The following CKMT2 variants were observed in gnomAD, a reference collection of about 807,000 sequenced individuals.
CKMT2 encodes the protein creatine kinase S-type, mitochondrial.
In CKMT2, 43 loss-of-function variants were observed where a neutral mutation model predicts 48.9. The observed-to-expected ratio is 0.88, with a 90% CI of 0.69 to 1.13. The LOEUF is 1.13. Among genes scored for constraint, CKMT2 ranks in the 50% most tolerant of loss-of-function variants. The pLI, the probability that CKMT2 is intolerant of heterozygous loss-of-function variation, is 0.00. For synonymous variants in CKMT2, 206 were observed against 213.0 expected, an observed-to-expected ratio of 0.97 and a Z score of 0.29; for missense variants, 472 against 555.4, an observed-to-expected ratio of 0.85 and a Z score of 1.51.
intron 9 of CKMT2, among the ~76,000 whole-genome samples, chr5:81,265,699 C>T (rs1449393273): frequency 6.6e-6 from 1 of 152,118 alleles, no homozygotes; most frequent in Non-Finnish European, 1.5e-5. Context: ...AAACATTTGA[C>T]ATTAATTTTT....
At chr5:81,235,364 G>A (rs1457291581) in intron 1 of CKMT2, among the ~76,000 whole-genome samples, 1 of 152,164 alleles carries the variant, frequency 6.6e-6, no homozygotes, top group African/African-American at 2.4e-5. Flanking sequence ...GCCTGGCATC[G>A]TGAGAATTTG....
rs141935817 is a variant in CKMT2 at position 81,251,257 on chromosome 5, G to A, written c.125G>A (p.Arg42Gln). Residue 42 changes from arginine (R) to glutamine (Q), a missense_variant, in exon 2 of 10, where the codon CGG (arginine) becomes CAG (glutamine). Arg to Gln is a conservative substitution (Grantham distance 43). Coordinates refer to ENST00000254035, the MANE Select transcript of CKMT2 (RefSeq NM_001099735.2). ...CGGCAGAAAGTGTGTGCCGAGGTCC[G>A]GGAGCAGCCTAGGCTATTTCCTCCA... ...LNRQKVCAEV[R>Q]EQPRLFPPSA... is the part of the protein sequence containing the mutation. 17 of 1,614,082 alleles carry A rather than the reference G, an allele frequency of 1.1e-5. No homozygotes were observed. The highest frequency in any genetic ancestry group is 1.7e-4 in the Middle Eastern group (1 of 6,054).
chr5:81,240,185 C>A (rs1035233490), intron 1 of CKMT2, among the ~76,000 whole-genome samples: 1 of 152,162 alleles, frequency 6.6e-6, no homozygotes, highest in East Asian at 1.9e-4. Context: ...GAAGGAAGGC[C>A]CCAAGAGCCA....
intron 8 of CKMT2, among the ~76,000 whole-genome samples, chr5:81,262,198 G>T (rs548928631): frequency 6.6e-6 from 1 of 152,088 alleles, no homozygotes. Context: ...ACTCAAGATG[G>T]ATTAAAGACT....
chr5:81,242,610 A>C (rs1382898942), intron 1 of CKMT2: 1 of 320,506 alleles, frequency 3.1e-6, no homozygotes, highest in Non-Finnish European at 6.1e-6. Flanking sequence ...GTTGCCCAGC[A>C]TGCCAAAAAA....
At chr5:81,245,765 C>A (rs1756587157) in intron 1 of CKMT2, among the ~76,000 whole-genome samples, 1 of 152,124 alleles carries the variant, frequency 6.6e-6, no homozygotes, top group Non-Finnish European at 1.5e-5. Flanking sequence ...ACAGCAGGGC[C>A]AGAGCTGTGA....
chr5:81,252,169 G>A (rs2112805028), intron 2 of CKMT2: 1 of 168,518 alleles, frequency 5.9e-6, no homozygotes, highest in Non-Finnish European at 1.3e-5. Flanking sequence ...GAGATACCAT[G>A]CGCTGAGCAG....
chr5:81,260,573 A>G (rs770454958), intron 8 of CKMT2, among the ~76,000 whole-genome samples: 12 of 152,370 alleles, frequency 7.9e-5, no homozygotes, highest in Non-Finnish European at 1.5e-4. Context: ...ACCATCAGAG[A>G]ATACTATAAA....
At chr5:81,247,047 C>T (rs1756635567) in intron 1 of CKMT2, 2 of 152,200 alleles carry the variant, frequency 1.3e-5, no homozygotes, top group Admixed American at 6.5e-5. Context: ...TTTCCAGTCC[C>T]CTCTAGCTAC....
At chr5:81,259,716 T>C (rs1757142897) in intron 8 of CKMT2, among the ~76,000 whole-genome samples, 1 of 152,140 alleles carries the variant, frequency 6.6e-6, no homozygotes. Flanking sequence ...GGAGGAACGC[T>C]GTCTTAGAGC....
chr5:81,235,239 C>T (rs1756211714), intron 1 of CKMT2, among the ~76,000 whole-genome samples: 1 of 152,188 alleles, frequency 6.6e-6, no homozygotes, highest in Non-Finnish European at 1.5e-5. Context: ...CTGAGTAGAA[C>T]AGTAATGCCA....
intron 6 of CKMT2, among the ~76,000 whole-genome samples, chr5:81,257,371 C>T (rs534134378): frequency 6.6e-6 from 1 of 151,998 alleles, no homozygotes; most frequent in African/African-American, 2.4e-5. Flanking sequence ...GTAACCCCCA[C>T]CCGCTTTTTA....
intron 8 of CKMT2, 77 bp from the exon 9 acceptor site, chr5:81,263,413 CT>C (rs1362888859): frequency 9.8e-7 from 1 of 1,016,594 alleles, no homozygotes; most frequent in Non-Finnish European, 1.3e-6. Context: ...CACTATATGT[CT>C]TTTGTCAGTA....
intron 9 of CKMT2, among the ~76,000 whole-genome samples, chr5:81,265,720 C>T (rs1757363565): frequency 6.6e-6 from 1 of 152,112 alleles, no homozygotes; most frequent in South Asian, 2.1e-4. Context: ...CAGGAAGACA[C>T]CCACTGTATT....
chr5:81,242,991 C>T (rs1756488924), intron 1 of CKMT2, among the ~76,000 whole-genome samples: 1 of 152,178 alleles, frequency 6.6e-6, no homozygotes, highest in African/African-American at 2.4e-5. Flanking sequence ...TTATTATCTT[C>T]TTGTTTAGCA....
chr5:81,234,731 T>C (rs1294244333), intron 1 of CKMT2, among the ~76,000 whole-genome samples: 2 of 152,126 alleles, frequency 1.3e-5, no homozygotes, highest in Admixed American at 1.3e-4. Flanking sequence ...TCAGTTTTCC[T>C]AAGGAAACTG....
intron 8 of CKMT2, among the ~76,000 whole-genome samples, chr5:81,259,814 C>T (rs1757149131): frequency 6.6e-6 from 1 of 152,050 alleles, no homozygotes; most frequent in South Asian, 2.1e-4. Context: ...ATTAGATCAA[C>T]CAGACAAAAT....
intron 2 of CKMT2, chr5:81,252,224 G>T: frequency 5.5e-6 from 1 of 182,046 alleles, no homozygotes; most frequent in East Asian, 1.6e-4. Flanking sequence ...GTATGGATGA[G>T]AGAGACAAGG....
intron 1 of CKMT2, chr5:81,242,331 C>T: frequency 2.6e-6 from 1 of 387,574 alleles, no homozygotes; most frequent in South Asian, 2.5e-5. Flanking sequence ...AAGGTTTGTT[C>T]ATTTCTTGCA....
Sources: gnomAD v4.1 joint callset for allele counts (sites outside exome capture counted in the v4.1 genomes callset) on GRCh38, gnomAD v4.1.1 for gene constraint, MANE v1.5 for transcripts, NCBI Gene and HGNC (gene_info 2026-07-23, HGNC 2026-07-21) for gene names.